PARD3B: variants seen among roughly 807,000 people sequenced by gnomAD.
PARD3B encodes par-3 family cell polarity regulator beta, also known as partitioning defective 3 homolog B.
Under a neutral mutation model 130.2 loss-of-function variants are expected in PARD3B, and 103 were observed. The observed-to-expected ratio is 0.79, with a 90% CI of 0.67 to 0.93. The LOEUF is 0.93. PARD3B is among the 40% of genes least tolerant of loss of function. PARD3B has a pLI of 0.00. For missense variants in PARD3B, 1,609 were observed against 1,499.2 expected (o/e 1.07, Z -1.21); for synonymous variants, 583 against 553.2 (o/e 1.05, Z -0.76).
chr2:205,330,923 A>G (rs1194936152), intron 18 of PARD3B, among the ~76,000 whole-genome samples: 1 of 152,204 alleles, frequency 6.6e-6, no homozygotes, highest in Non-Finnish European at 1.5e-5. Context: ...AGGGCCATTC[A>G]TGGGCAAACC....
At chr2:205,068,929 T>G (rs1575694316) in intron 4 of PARD3B, among the ~76,000 whole-genome samples, 1 of 152,292 alleles carries the variant, frequency 6.6e-6, no homozygotes, top group East Asian at 1.9e-4. Context: ...TGTGATCTAG[T>G]GTATGATTAA....
intron 3 of PARD3B, among the ~76,000 whole-genome samples, chr2:205,026,111 T>C (rs1010899955): frequency 1.3e-5 from 2 of 152,124 alleles, no homozygotes; most frequent in African/African-American, 4.8e-5. Flanking sequence ...CACAAGAGTC[T>C]CTCTGATGGT....
At chr2:205,035,821 C>CTATATATA (rs1559374232) in intron 3 of PARD3B, among the ~76,000 whole-genome samples, 37 of 5,784 alleles carry the variant, frequency 6.4e-3, no homozygotes, top group African/African-American at 0.021. Flanking sequence ...ATATATATAT[C>CTATATATA]TATATATCTA....
chr2:204,753,810 T>C (rs1342317329), intron 2 of PARD3B, among the ~76,000 whole-genome samples: 2 of 152,104 alleles, frequency 1.3e-5, no homozygotes, highest in African/African-American at 4.8e-5. Context: ...CCTAGCACTC[T>C]GGGAGGCTGA....
At chr2:204,961,200 A>G (rs1438421198) in intron 2 of PARD3B, among the ~76,000 whole-genome samples, 2 of 152,200 alleles carry the variant, frequency 1.3e-5, no homozygotes, top group African/African-American at 2.4e-5. Flanking sequence ...GATCCAATTC[A>G]TGCTAGCAAG....
At chr2:205,235,559 C>T (rs1220945770) in intron 15 of PARD3B, among the ~76,000 whole-genome samples, 2 of 152,124 alleles carry the variant, frequency 1.3e-5, no homozygotes, top group Non-Finnish European at 2.9e-5. Context: ...TAGTACTATA[C>T]ACCACAATGG....
chr2:205,235,926 T>C (rs2039042627), intron 15 of PARD3B, among the ~76,000 whole-genome samples: 1 of 152,188 alleles, frequency 6.6e-6, no homozygotes, highest in African/African-American at 2.4e-5. Context: ...AGAAACCAAA[T>C]GCCAGTTTTC....
Position 205,446,717 on chromosome 2 carries a change from G to A in PARD3B, c.3044+6045G>A, listed in dbSNP as rs1202374358. Among the ~76,000 whole-genome samples, 4 of 152,124 alleles carry A rather than the reference G, an allele frequency of 2.6e-5. No homozygotes were observed. Among genetic ancestry groups the A allele is most frequent in the Admixed American group, 6.5e-5 (1 of 15,270 alleles). ...ATTTCTACCACCAGGACAGAGACAC[G>A]TGACTGGATTTTCACAATGCTGGTT... On this transcript the variant is annotated intron_variant, in intron 20 of 22. Coordinates refer to ENST00000406610, the MANE Select transcript of PARD3B (RefSeq NM_001302769.2). This position sits in a 1 kb window ranked among gnomAD's most constrained non-coding sequence, Gnocchi z 4.4.
Position 205,479,562 on chromosome 2 carries a change from C to G in PARD3B, c.3045-20334C>G, listed in dbSNP as rs570945820. Among the ~76,000 whole-genome samples, 7 of 152,272 alleles carry G rather than the reference C, an allele frequency of 4.6e-5. 1 individual carries two copies. The South Asian group carries it at 1.5e-3, about 32-fold the overall frequency. Reference sequence around the variant, plus strand: ...CCTCCAGGAAGGGTTCATGGAATAGCCTGTGCTTAGGAAAAAATGCACCTG... The same window carrying G: ...CCTCCAGGAAGGGTTCATGGAATAGGCTGTGCTTAGGAAAAAATGCACCTG... On this transcript the variant is annotated intron_variant, in intron 20 of 22. Transcript: ENST00000406610.
chr2:205,221,854 CTTA>C (rs1197035000), intron 15 of PARD3B, among the ~76,000 whole-genome samples: 1 of 152,064 alleles, frequency 6.6e-6, no homozygotes, highest in Non-Finnish European at 1.5e-5. Flanking sequence ...CTCTAAACAA[CTTA>C]TTATAACTCT....
intron 1 of PARD3B, among the ~76,000 whole-genome samples, chr2:204,547,014 A>G (rs1302613432): frequency 6.6e-6 from 1 of 152,218 alleles, no homozygotes; most frequent in Non-Finnish European, 1.5e-5. Flanking sequence ...AACATTTTGT[A>G]TGTCCCAAAT....
At chr2:204,915,235 T>C (rs2047398929) in intron 2 of PARD3B, among the ~76,000 whole-genome samples, 1 of 152,198 alleles carries the variant, frequency 6.6e-6, no homozygotes, top group Admixed American at 6.5e-5. Flanking sequence ...TTCCTCCATG[T>C]TAAATTATAG....
intron 10 of PARD3B, among the ~76,000 whole-genome samples, chr2:205,157,380 A>G (rs187349234): frequency 2.2e-4 from 34 of 152,334 alleles, no homozygotes; most frequent in Admixed American, 2.0e-3. Context: ...ATTAAGCCAT[A>G]AAGTTTCATT....
At chr2:204,697,940 C>T (rs1252668455) in intron 2 of PARD3B, among the ~76,000 whole-genome samples, 1 of 152,086 alleles carries the variant, frequency 6.6e-6, no homozygotes, top group Non-Finnish European at 1.5e-5. Flanking sequence ...AAGATCGTTT[C>T]ATCTTGTGGG....
intron 2 of PARD3B, among the ~76,000 whole-genome samples, chr2:204,858,569 G>C (rs985059477): frequency 6.6e-6 from 1 of 150,926 alleles, no homozygotes. Context: ...GTTGGGGTAG[G>C]GGAGGAAATA....
At chr2:205,537,945 C>A (rs1160488794) in intron 21 of PARD3B, among the ~76,000 whole-genome samples, 1 of 152,138 alleles carries the variant, frequency 6.6e-6, no homozygotes, top group Non-Finnish European at 1.5e-5. Context: ...CTAGGATAAT[C>A]CAAGTCTGTT....
Position 204,623,408 on chromosome 2 carries a change from G to C in PARD3B, c.121-62773G>C, listed in dbSNP as rs1041128010. On this transcript the variant is annotated intron_variant, in intron 1 of 22. Coordinates refer to ENST00000406610, the MANE Select transcript of PARD3B (RefSeq NM_001302769.2). This position sits in a 1 kb window ranked among gnomAD's most constrained non-coding sequence, Gnocchi z 4.5. ...TTCTACCATCACAAAAACCTCCCTC[G>C]TGCCACCCCTTTATAGTCATACCCA... is the stretch of plus-strand genomic sequence containing the variant. 6.6e-6 allele frequency among the ~76,000 whole-genome samples: 1 copy of C among 151,864 alleles called. No homozygotes were observed. The highest frequency in any genetic ancestry group is 1.5e-5 in the Non-Finnish European group (1 of 67,932).
intron 1 of PARD3B, among the ~76,000 whole-genome samples, chr2:204,635,100 A>G (rs1304224428): frequency 6.6e-6 from 1 of 152,198 alleles, no homozygotes; most frequent in African/African-American, 2.4e-5. Flanking sequence ...GGGCTTATCA[A>G]TTATTCCCTT....
At chr2:204,658,010 A>T (rs1199594498) in intron 1 of PARD3B, among the ~76,000 whole-genome samples, 2 of 152,182 alleles carry the variant, frequency 1.3e-5, no homozygotes, top group Non-Finnish European at 2.9e-5. Flanking sequence ...GCTGTAAATG[A>T]GATGATTGTG....
Sources: allele counts gnomAD v4.1 joint callset (sites outside exome capture counted in the v4.1 genomes callset), GRCh38; gene constraint gnomAD v4.1.1; non-coding constraint Gnocchi (gnomAD v3.1); transcripts MANE v1.5; gene names NCBI Gene and HGNC (gene_info 2026-07-23, HGNC 2026-07-21).